Variants in ZMYM2 observed in about 807,000 individuals in gnomAD.
The protein encoded by ZMYM2 is zinc finger MYM-type protein 2.
A neutral mutation model predicts 162.8 loss-of-function variants in ZMYM2; 56 were observed. The observed-to-expected ratio is 0.34, with a 90% CI of 0.28 to 0.43. ZMYM2 has a LOEUF of 0.43. Ranked by LOEUF, ZMYM2 falls within the 20% of genes least tolerant of loss-of-function variation. The probability of loss-of-function intolerance (pLI) is 1.00; values close to 1 mark genes in which losing one functional copy is unlikely to be tolerated. For missense variants in ZMYM2, 1,275 were observed against 1,621.8 expected (o/e 0.79, Z 3.67); for synonymous variants, 510 against 541.6 (o/e 0.94, Z 0.81).
the ZMYM2 span, among the ~76,000 whole-genome samples, chr13:19,867,906 G>C: frequency 0.018 from 2,741 of 152,310 alleles, 84 homozygotes; most frequent in African/African-American, 0.062. Context: ...GATTACAGGC[G>C]TAAGCCACTG....
chr13:20,058,027 C>G (rs1343205669), intron 14 of ZMYM2, among the ~76,000 whole-genome samples: 1 of 152,154 alleles, frequency 6.6e-6, no homozygotes, highest in Non-Finnish European at 1.5e-5. Flanking sequence ...ATCTGAGAGA[C>G]TGCATCTGTA....
At chr13:19,927,134 C>A in the ZMYM2 span, among the ~76,000 whole-genome samples, 3 of 152,092 alleles carry the variant, frequency 2.0e-5, no homozygotes, top group Non-Finnish European at 4.4e-5. Flanking sequence ...GTAGTTATAT[C>A]TTTTTCATGT....
chr13:19,903,535 T>A, the ZMYM2 span, among the ~76,000 whole-genome samples: 16 of 133,032 alleles, frequency 1.2e-4, no homozygotes, highest in South Asian at 9.9e-4. Flanking sequence ...AAACTTCCAA[T>A]GGTAAATTTT....
chr13:20,052,204 A>ATTC (rs1566403077), intron 13 of ZMYM2, 73 bp from the exon 14 acceptor site: 8 of 1,256,776 alleles, frequency 6.4e-6, no homozygotes, highest in Non-Finnish European at 7.6e-6. Flanking sequence ...GTGAAATTTA[A>ATTC]TGAGAAATAG....
intron 7 of ZMYM2, among the ~76,000 whole-genome samples, chr13:20,024,191 C>G (rs1273224296): frequency 6.6e-6 from 1 of 152,140 alleles, no homozygotes; most frequent in Non-Finnish European, 1.5e-5. Flanking sequence ...CCTCAGCCTC[C>G]CAAAGTGCTG....
chr13:19,943,681 G>A, the ZMYM2 span, among the ~76,000 whole-genome samples: 1 of 152,118 alleles, frequency 6.6e-6, no homozygotes, highest in Non-Finnish European at 1.5e-5. Flanking sequence ...GGAGAAGGGT[G>A]GATGGGAATG....
At chr13:19,913,942 C>T in the ZMYM2 span, among the ~76,000 whole-genome samples, 1 of 152,130 alleles carries the variant, frequency 6.6e-6, no homozygotes, top group Non-Finnish European at 1.5e-5. Context: ...AGTTGCAGTA[C>T]TGCAGCCCTT....
At chr13:19,938,493 A>G in the ZMYM2 span, among the ~76,000 whole-genome samples, 5 of 152,314 alleles carry the variant, frequency 3.3e-5, no homozygotes, top group African/African-American at 1.2e-4. Context: ...GCAAGACTCC[A>G]TTTCAATAAA....
the ZMYM2 span, among the ~76,000 whole-genome samples, chr13:19,890,663 G>A: frequency 6.6e-6 from 1 of 151,640 alleles, no homozygotes. Flanking sequence ...GAGGTCAGGA[G>A]ATCAAGACCA....
upstream of ZMYM2, among the ~76,000 whole-genome samples, chr13:19,955,828 G>T (rs1035993259): frequency 6.6e-6 from 1 of 152,134 alleles, no homozygotes; most frequent in African/African-American, 2.4e-5. Context: ...TAAGGAAATG[G>T]ACTCAGAGAG....
chr13:19,976,823 T>A (rs2139397808), intron 2 of ZMYM2, among the ~76,000 whole-genome samples: 2 of 152,350 alleles, frequency 1.3e-5, no homozygotes, highest in South Asian at 4.1e-4. Context: ...TCCATTTCCT[T>A]ACTGATTTTC....
chr13:20,083,807 A>G, intron 24 of ZMYM2, 31 bp downstream of exon 24: 1 of 1,584,140 alleles, frequency 6.3e-7, no homozygotes, highest in Non-Finnish European at 8.6e-7. Flanking sequence ...ACTTTTAAAA[A>G]TGTTGGTAGA....
intron 2 of ZMYM2, among the ~76,000 whole-genome samples, chr13:19,965,768 A>ATTTTTTTTTTTTT (rs1364483520): frequency 8.0e-6 from 1 of 124,798 alleles, no homozygotes. Flanking sequence ...TGGTATCTGA[A>ATTTTTTTTTTTTT]TTCTTTTTTT....
intron 21 of ZMYM2, 74 bp from the exon 22 acceptor site, chr13:20,081,942 G>A (rs1174136577): frequency 1.8e-5 from 15 of 841,944 alleles, no homozygotes; most frequent in African/African-American, 3.6e-5. Flanking sequence ...TAAGAAATAC[G>A]GAGTGTAATA....
chr13:19,925,911 T>C, the ZMYM2 span, among the ~76,000 whole-genome samples: 1 of 150,682 alleles, frequency 6.6e-6, no homozygotes, highest in African/African-American at 2.4e-5. Context: ...ATAACAGGGG[T>C]TGGGGATTTT....
At chr13:20,052,881 G>A (rs922456826) in intron 14 of ZMYM2, among the ~76,000 whole-genome samples, 42 of 152,150 alleles carry the variant, frequency 2.8e-4, no homozygotes, top group African/African-American at 9.6e-4. Flanking sequence ...ATTATTAATG[G>A]CTTTATGCAT....
chr13:19,890,812 C>T, the ZMYM2 span, among the ~76,000 whole-genome samples: 7 of 150,296 alleles, frequency 4.7e-5, no homozygotes, highest in Middle Eastern at 3.2e-3. Flanking sequence ...GCGGAGCTTG[C>T]GGTGAGCCGA....
the ZMYM2 span, among the ~76,000 whole-genome samples, chr13:19,920,943 T>G: frequency 6.6e-6 from 1 of 151,520 alleles, no homozygotes; most frequent in African/African-American, 2.4e-5. Flanking sequence ...TTGTATTTTT[T>G]TTTTTTTAGG....
intron 2 of ZMYM2, among the ~76,000 whole-genome samples, chr13:19,983,089 C>T (rs1197436060): frequency 6.6e-6 from 1 of 151,960 alleles, no homozygotes; most frequent in African/African-American, 2.4e-5. Context: ...GGTAAATCTT[C>T]CGGGTCTTTG....
Sources: gnomAD v4.1 joint callset for allele counts (sites outside exome capture counted in the v4.1 genomes callset) on GRCh38, gnomAD v4.1.1 for gene constraint, MANE v1.5 for transcripts, NCBI Gene and HGNC (gene_info 2026-07-23, HGNC 2026-07-21) for gene names.